Variants in ACTN3 observed in about 807,000 individuals in gnomAD.
ACTN3 encodes the protein actinin alpha 3.
Under a neutral mutation model 119.6 loss-of-function variants are expected in ACTN3, and 91 were observed. That is an observed-to-expected ratio of 0.76 (90% confidence interval 0.64 to 0.91). ACTN3 has a LOEUF of 0.91. Among genes scored for constraint, ACTN3 ranks in the 40% least tolerant of loss-of-function variants. The probability of loss-of-function intolerance (pLI) is 0.00; values close to 1 mark genes in which losing one functional copy is unlikely to be tolerated. For synonymous variants in ACTN3, 456 were observed against 478.8 expected, an observed-to-expected ratio of 0.95 and a Z score of 0.62; for missense variants, 1,221 against 1,215.1, an observed-to-expected ratio of 1.00 and a Z score of -0.07.
chr11:66,560,324 G>A lies in ACTN3; in HGVS notation c.1677+13G>A. The A allele has an allele frequency of 6.2e-7, 1 of 1,609,862 alleles. No individual in the cohort carries two copies. The highest frequency in any genetic ancestry group is 8.5e-7 in the Non-Finnish European group (1 of 1,177,682). On this transcript the variant is annotated intron_variant, in intron 14 of 20. Transcript: ENST00000513398. ...GGAGGAGACCCAGGTGGGTGCCAGG[G>A]TTGCAGGGGATGGATAGGATGACAG... is the stretch of plus-strand genomic sequence containing the variant.
intron 14 of ACTN3, 35 bp from the exon 15 acceptor site, chr11:66,560,538 G>C: frequency 1.9e-6 from 3 of 1,584,286 alleles, no homozygotes; most frequent in Non-Finnish European, 2.6e-6. Flanking sequence ...GTAAGTGGGG[G>C]ACACCAGCTG....
Position 66,560,231 on chromosome 11 carries a change from G to GCGCCCTT in ACTN3, c.1599_1605dup (p.Asn536AlafsTer43). On this transcript the variant is annotated frameshift_variant, in exon 14 of 21. Transcript: ENST00000513398. LOFTEE classifies it high-confidence loss of function. ...GCAACTGGAGTTTGCCCGGCGGGCC[G>GCGCCCTT]CGCCCTTCAACAACTGGCTGGATGG... 6.2e-7 allele frequency: 1 copy of GCGCCCTT among 1,612,382 alleles called. No homozygotes were observed. The highest frequency in any genetic ancestry group is 1.3e-5 in the African/African-American group (1 of 75,050).
chr11:66,551,511 T>C lies in ACTN3; in HGVS notation c.263-17T>C. On this transcript the variant is annotated splice_polypyrimidine_tract_variant and intron_variant, in intron 2 of 20. Transcript: ENST00000513398. Reference sequence around the variant, plus strand: ...CTCTCATGACCTTTGGCCCTTGGCCTCTCCTCTTAAACCCAGGTGAGAGGC... The same window carrying C: ...CTCTCATGACCTTTGGCCCTTGGCCCCTCCTCTTAAACCCAGGTGAGAGGC... 2 of 1,612,218 alleles carry C rather than the reference T, an allele frequency of 1.2e-6. No individual in the cohort carries two copies. Among genetic ancestry groups the C allele is most frequent in the South Asian group, 1.1e-5 (1 of 90,828 alleles).
chr11:66,558,148 C>A lies in ACTN3; in HGVS notation c.1250C>A (p.Ala417Asp). 5 of 1,613,662 alleles carry A rather than the reference C, an allele frequency of 3.1e-6. No individual in the cohort carries two copies. In the African/African-American group the frequency reaches 5.3e-5, roughly 17 times the overall value. Residue 417 changes from alanine (A) to aspartate (D), a missense_variant, in exon 11 of 21, where the codon GCC becomes GAC. Coordinates refer to ENST00000513398, the MANE Select transcript of ACTN3 (RefSeq NM_001104.4). ...QHLAEKFRQK[A>D]SLHEAWTRGK... ...CTGGCTGAGAAGTTCCGGCAGAAGGCCTCCCTGCACGAAGCCTGGACCCGG... is the reference window on the plus strand; with the variant it reads ...CTGGCTGAGAAGTTCCGGCAGAAGGACTCCCTGCACGAAGCCTGGACCCGG...
chr11:66,550,181 C>T (rs1857441790), intron 1 of ACTN3, among the ~76,000 whole-genome samples: 1 of 152,190 alleles, frequency 6.6e-6, no homozygotes, highest in Non-Finnish European at 1.5e-5. Flanking sequence ...TTTAATTACA[C>T]AAATGGGAAG....
chr11:66,547,168 G>T, intron 1 of ACTN3, 84 bp downstream of exon 1: 3 of 1,387,616 alleles, frequency 2.2e-6, no homozygotes, highest in Non-Finnish European at 1.9e-6. Flanking sequence ...CAGTGCAGGG[G>T]CAGAGCTTGT....
Position 66,551,507 on chromosome 11 carries a change from G to C in ACTN3, c.263-21G>C, listed in dbSNP as rs1462887735. 3.7e-6 allele frequency: 6 copies of C among 1,610,918 alleles called. No homozygotes were observed. In the South Asian group the frequency reaches 6.6e-5, roughly 18 times the overall value. ...CTGCCTCTCATGACCTTTGGCCCTT[G>C]GCCTCTCCTCTTAAACCCAGGTGAG... On this transcript the variant is annotated intron_variant, in intron 2 of 20. Coordinates refer to ENST00000513398, the MANE Select transcript of ACTN3 (RefSeq NM_001104.4).
At chr11:66,560,513 T>C in intron 14 of ACTN3, 60 bp from the exon 15 acceptor site, 1 of 1,555,894 alleles carries the variant, frequency 6.4e-7, no homozygotes, top group Non-Finnish European at 8.7e-7. Flanking sequence ...ACTGCTGCCC[T>C]TTCTGTTGCC....
intron 7 of ACTN3, 43 bp from the exon 8 acceptor site, chr11:66,556,101 GA>G (rs1201305668): frequency 6.5e-7 from 1 of 1,550,236 alleles, no homozygotes; most frequent in African/African-American, 1.4e-5. Flanking sequence ...CCTGGGGAGG[GA>G]CCCCTGGCTT....
chr11:66,559,923 C>A (rs1353019560), intron 12 of ACTN3, 45 bp from the exon 13 acceptor site: 3 of 1,544,546 alleles, frequency 1.9e-6, no homozygotes, highest in East Asian at 4.8e-5. Context: ...GTTAGGACAT[C>A]TGGGCTGGGG....
rs1489482280 is a variant in ACTN3, at chr11:66,560,285, C to T, written c.1651C>T (p.Leu551=). Residue 551 remains leucine, a synonymous_variant, in exon 14 of 21, where the codon CTG becomes TTG. Coordinates refer to ENST00000513398, the MANE Select transcript of ACTN3 (RefSeq NM_001104.4). ...GAVEDLQDVW[L]VHSVEETQSL... ...CGTGGAGGACCTGCAGGACGTGTGG[C>T]TGGTACACTCTGTGGAGGAGACCCA... is the stretch of plus-strand genomic sequence containing the variant. 1 of 1,613,220 alleles carries T rather than the reference C, an allele frequency of 6.2e-7. No individual in the cohort carries two copies. Among genetic ancestry groups the T allele is most frequent in the Non-Finnish European group, 8.5e-7 (1 of 1,179,636 alleles).
chr11:66,553,928 C>A, intron 3 of ACTN3, 117 bp from the exon 4 acceptor site: 1 of 686,554 alleles, frequency 1.5e-6, no homozygotes, highest in Non-Finnish European at 2.5e-6. Context: ...TACTAGGTGC[C>A]AGCCCTGAAA....
At chr11:66,559,004 A>AGGG in intron 11 of ACTN3, 1 of 400,308 alleles carries the variant, frequency 2.5e-6, no homozygotes, top group Non-Finnish European at 4.4e-6. Context: ...AACTGTACCA[A>AGGG]GGGCCCCCTG....
intron 1 of ACTN3, among the ~76,000 whole-genome samples, chr11:66,548,937 G>C (rs1205097985): frequency 6.6e-6 from 1 of 152,066 alleles, no homozygotes; most frequent in Non-Finnish European, 1.5e-5. Context: ...TCTGCCTTCT[G>C]CCACGCCAAG....
At chr11:66,554,795 G>A (rs150332716) in intron 5 of ACTN3, among the ~76,000 whole-genome samples, 172 bp downstream of exon 5, 273 of 152,290 alleles carry the variant, frequency 1.8e-3, no homozygotes, top group African/African-American at 6.1e-3. Context: ...TAACTGTTGA[G>A]TGGAATGGAA....
At chr11:66,546,686 C>T, upstream of ACTN3, 1 of 1,533,372 alleles carries the variant, frequency 6.5e-7, no homozygotes, top group Non-Finnish European at 8.7e-7. Context: ...CACAGCGCCC[C>T]AGCAGCGGAG....
chr11:66,559,940 C>G (rs1857704422), intron 12 of ACTN3, 28 bp from the exon 13 acceptor site: 1 of 1,566,106 alleles, frequency 6.4e-7, no homozygotes, highest in African/African-American at 1.4e-5. Flanking sequence ...GGGGCTGGCC[C>G]CACACTCGCC....
At position 66,559,389 on chromosome 11, in the gene ACTN3, A is replaced by G; in HGVS notation, c.1427+3A>G. ...GCCGCGCTGGCCCAGGAGCTCAAGTAGGCGGGGCCTCGCGGGGCCCGCCCC... is the reference window on the plus strand; with the variant it reads ...GCCGCGCTGGCCCAGGAGCTCAAGTGGGCGGGGCCTCGCGGGGCCCGCCCC... On this transcript the variant is annotated splice_donor_region_variant and intron_variant, in intron 12 of 20. Coordinates refer to ENST00000513398, the MANE Select transcript of ACTN3 (RefSeq NM_001104.4). 1 of 1,515,286 alleles carries G rather than the reference A, an allele frequency of 6.6e-7. No individual in the cohort carries two copies. The highest frequency in any genetic ancestry group is 8.8e-7 in the Non-Finnish European group (1 of 1,139,420). The allele number at this position is 1,515,286 out of a possible 1,614,324, so 93.9% of individuals were successfully genotyped here.
At chr11:66,551,063 G>C (rs1244681309) in intron 1 of ACTN3, 176 bp from the exon 2 acceptor site, 1 of 699,170 alleles carries the variant, frequency 1.4e-6, no homozygotes, top group East Asian at 2.7e-5. Flanking sequence ...GAAAACGAAA[G>C]CTCAGAGAGG....
Sources: gnomAD v4.1 joint callset for allele counts (sites outside exome capture counted in the v4.1 genomes callset) on GRCh38, gnomAD v4.1.1 for gene constraint, MANE v1.5 for transcripts, NCBI Gene and HGNC (gene_info 2026-07-23, HGNC 2026-07-21) for gene names.